TNFAIP6: variants seen among roughly 807,000 people sequenced by gnomAD.
The protein encoded by TNFAIP6 is tumor necrosis factor-inducible gene 6 protein.
TNFAIP6 carries 36 observed loss-of-function variants against 33.7 expected under a neutral mutation model. The observed-to-expected ratio is 1.07, with a 90% CI of 0.82 to 1.41. TNFAIP6 has a LOEUF of 1.41. Among genes scored for constraint, TNFAIP6 ranks in the 40% most tolerant of loss-of-function variants. The pLI is 0.00. For missense variants in TNFAIP6, 273 were observed against 331.9 expected, an observed-to-expected ratio of 0.82 and a Z score of 1.38; for synonymous variants, 113 against 112.8, an observed-to-expected ratio of 1.00 and a Z score of -0.01.
chr2:151,372,437 T>C (rs1461847020), intron 4 of TNFAIP6: 1 of 152,212 alleles, frequency 6.6e-6, no homozygotes, highest in Middle Eastern at 3.2e-3. Flanking sequence ...CCCTTACCTT[T>C]TTATATGTGT....
chr2:151,370,791 C>T (rs1014514697), intron 4 of TNFAIP6, among the ~76,000 whole-genome samples: 8 of 152,108 alleles, frequency 5.3e-5, no homozygotes, highest in Admixed American at 1.3e-4. Context: ...ATTATAGGGC[C>T]GGGCACGGTG....
intron 2 of TNFAIP6, among the ~76,000 whole-genome samples, 191 bp downstream of exon 2, chr2:151,364,271 C>T (rs1684676431): frequency 2.0e-5 from 3 of 152,152 alleles, no homozygotes; most frequent in Non-Finnish European, 2.9e-5. Flanking sequence ...GTACCACCAA[C>T]TTATGTGGAG....
chr2:151,373,189 C>T (rs985008939), intron 4 of TNFAIP6, among the ~76,000 whole-genome samples: 1 of 151,930 alleles, frequency 6.6e-6, no homozygotes, highest in South Asian at 2.1e-4. Flanking sequence ...GTGGTGCATG[C>T]CTGTAATCTC....
At chr2:151,381,215 T>A (rs1297367605), downstream of TNFAIP6, among the ~76,000 whole-genome samples, 3 of 152,082 alleles carry the variant, frequency 2.0e-5, no homozygotes, top group African/African-American at 4.8e-5. Context: ...CTCACTCCTG[T>A]AATCCCATCA....
At chr2:151,364,445 T>C (rs1042396385) in intron 2 of TNFAIP6, among the ~76,000 whole-genome samples, 1 of 152,266 alleles carries the variant, frequency 6.6e-6, no homozygotes, top group African/African-American at 2.4e-5. Flanking sequence ...AATGATGCTA[T>C]AGTACTATAT....
At chr2:151,362,500 T>G (rs1684642297) in intron 1 of TNFAIP6, among the ~76,000 whole-genome samples, 1 of 122,332 alleles carries the variant, frequency 8.2e-6, no homozygotes, top group African/African-American at 3.1e-5. Context: ...TTTTTTTTTT[T>G]TTTTTTTTTT....
rs561993349 is a variant in TNFAIP6 at position 151,369,307 on chromosome 2, T to C, written c.395-713T>C. ...ATTAATTACATTACAATTCTTTTAA[T>C]TTTAAAATTTATTTTTATTTTTATT... On this transcript the variant is annotated intron_variant, in intron 3 of 5. Coordinates refer to ENST00000243347, the MANE Select transcript of TNFAIP6 (RefSeq NM_007115.4). 1.5e-3 allele frequency among the ~76,000 whole-genome samples: 224 copies of C among 152,304 alleles called. 1 individual carries two copies. Among genetic ancestry groups the C allele is most frequent in the African/African-American group, 4.6e-3 (193 of 41,576 alleles).
downstream of TNFAIP6, among the ~76,000 whole-genome samples, chr2:151,381,037 G>A (rs891785866): frequency 1.3e-5 from 2 of 152,166 alleles, no homozygotes; most frequent in Admixed American, 6.5e-5. Flanking sequence ...GGACTCAGAC[G>A]ATACCCTAAA....
Position 151,379,639 on chromosome 2 carries a change from T to C in TNFAIP6, c.*106T>C. 1 of 894,254 alleles carries C rather than the reference T, an allele frequency of 1.1e-6. No homozygotes were observed. The highest frequency in any genetic ancestry group is 4.1e-5 in the Admixed American group (1 of 24,446). The allele number at this position is 894,254 out of a possible 1,614,324, so 55.4% of individuals were successfully genotyped here. ...AACATTTATTTATTATTTTTCTAAA[T>C]GTGAAAGCAATACATAATTTAGGGA... On this transcript the variant is annotated 3_prime_UTR_variant, in exon 6 of 6. Coordinates refer to ENST00000243347, the MANE Select transcript of TNFAIP6 (RefSeq NM_007115.4).
rs762748545 is a variant in TNFAIP6, at chr2:151,379,397, C to G, written c.698C>G (p.Ala233Gly). 6.9e-6 allele frequency: 11 copies of G among 1,604,090 alleles called. No individual in the cohort carries two copies. In the South Asian group the frequency reaches 1.2e-4, roughly 18 times the overall value. Reference protein sequence around the residue: ...NVMTLKFLSDASVTAGGFQIK... With the variant: ...NVMTLKFLSDGSVTAGGFQIK... The stretch of plus-strand genomic sequence containing the variant: ...ATGACCTTGAAGTTTCTAAGTGATG[C>G]TTCAGTGACAGCTGGAGGTTTCCAA... The change falls in exon 6 of 6, where the codon GCT becomes GGT. Residue 233 changes from alanine to glycine, a missense_variant. Transcript: ENST00000243347.
At position 151,357,671 on chromosome 2, in the gene TNFAIP6, T is replaced by A. The variant is rs78598479; in HGVS notation, c.5T>A (p.Ile2Asn). Residue 2 changes from isoleucine (I) to asparagine (N), a missense_variant, in exon 1 of 6, where the codon ATC becomes AAC. Ile to Asn is a moderately radical substitution (Grantham distance 149). Transcript: ENST00000243347. The stretch of plus-strand genomic sequence containing the variant: ...TACTTCACTACAACTGACGATATGA[T>A]CATCTTAATTTACTTATTTCTCTTG... Reference protein sequence around the residue: MIILIYLFLLLW... With the variant: MNILIYLFLLLW... The A allele has an allele frequency of 1.6e-3, 2,591 of 1,605,834 alleles. 47 individuals carry two copies. In the African/African-American group the frequency reaches 0.032, roughly 20 times the overall value.
chr2:151,359,683 T>C lies in TNFAIP6; in HGVS notation c.94+1923T>C, dbSNP rs555684573. 5.4e-3 allele frequency among the ~76,000 whole-genome samples: 816 copies of C among 152,284 alleles called. 12 individuals carry two copies. Among genetic ancestry groups the C allele is most frequent in the Non-Finnish European group, 5.5e-3 (376 of 68,024 alleles). On this transcript the variant is annotated intron_variant, in intron 1 of 5. Coordinates refer to ENST00000243347, the MANE Select transcript of TNFAIP6 (RefSeq NM_007115.4). ...GATTATAGGCGTGAGCCACCGCACCTGGCCCAGGGAACTCATAATGTTTTA... is the reference window on the plus strand; with the variant it reads ...GATTATAGGCGTGAGCCACCGCACCCGGCCCAGGGAACTCATAATGTTTTA...
At chr2:151,380,400 G>T (rs1396585388), downstream of TNFAIP6, among the ~76,000 whole-genome samples, 1 of 151,970 alleles carries the variant, frequency 6.6e-6, no homozygotes, top group African/African-American at 2.4e-5. Flanking sequence ...TATATCAAAT[G>T]TTAAAATTTA....
chr2:151,365,902 T>C (rs1573780558), intron 2 of TNFAIP6, among the ~76,000 whole-genome samples, 154 bp from the exon 3 acceptor site: 1 of 152,236 alleles, frequency 6.6e-6, no homozygotes, highest in Non-Finnish European at 1.5e-5. Context: ...ATTCACACTT[T>C]GTCTAATTAA....
At chr2:151,368,791 T>C (rs1370552355) in intron 3 of TNFAIP6, among the ~76,000 whole-genome samples, 5 of 152,142 alleles carry the variant, frequency 3.3e-5, no homozygotes, top group African/African-American at 1.2e-4. Flanking sequence ...TGGGATCCAT[T>C]ATTCTAAGTG....
At chr2:151,365,945 A>T (rs1238889135) in intron 2 of TNFAIP6, 111 bp from the exon 3 acceptor site, 2 of 994,478 alleles carry the variant, frequency 2.0e-6, no homozygotes, top group Admixed American at 2.1e-5. Context: ...CATGAACTGG[A>T]TTTGACCAGT....
At chr2:151,366,279 TA>T in intron 3 of TNFAIP6, 62 bp downstream of exon 3, 1 of 1,479,726 alleles carries the variant, frequency 6.8e-7, no homozygotes, top group Non-Finnish European at 9.2e-7. Context: ...AAGAGGTTGT[TA>T]AAAAAGAAAT....
At position 151,357,678 on chromosome 2, in the gene TNFAIP6, A is replaced by C. The variant is rs1309741565; in HGVS notation, c.12A>C (p.Leu4Phe). Reference protein sequence around the residue: MIILIYLFLLLWED... With the variant: MIIFIYLFLLLWED... ...CTACAACTGACGATATGATCATCTTAATTTACTTATTTCTCTTGCTATGGG... is the reference window on the plus strand; with the variant it reads ...CTACAACTGACGATATGATCATCTTCATTTACTTATTTCTCTTGCTATGGG... Residue 4 changes from leucine (L) to phenylalanine (F), a missense_variant, in exon 1 of 6, where the codon TTA (leucine) becomes TTC (phenylalanine). Coordinates refer to ENST00000243347, the MANE Select transcript of TNFAIP6 (RefSeq NM_007115.4). 6.2e-7 allele frequency: 1 copy of C among 1,609,276 alleles called. No individual in the cohort carries two copies. The highest frequency in any genetic ancestry group is 1.1e-5 in the South Asian group (1 of 90,974).
chr2:151,376,865 C>CTTTTTCTTTTTT (rs1684916537), intron 5 of TNFAIP6, among the ~76,000 whole-genome samples: 6 of 114,158 alleles, frequency 5.3e-5, no homozygotes, highest in South Asian at 2.7e-4. Flanking sequence ...TTTTTCTTTT[C>CTTTTTCTTTTTT]TTTTTTTTTT....
Sources: gnomAD v4.1 joint callset for allele counts (sites outside exome capture counted in the v4.1 genomes callset) on GRCh38, gnomAD v4.1.1 for gene constraint, MANE v1.5 for transcripts, NCBI Gene and HGNC (gene_info 2026-07-23, HGNC 2026-07-21) for gene names.